Variants in BARX2 observed in about 807,000 individuals in gnomAD.
BARX2 encodes BARX homeobox 2, also known as homeobox protein BarH-like 2.
BARX2 carries 11 observed loss-of-function variants against 25.5 expected under a neutral mutation model. The ratio of observed to expected loss-of-function variants is 0.43; its 90% confidence interval spans 0.27 to 0.71. BARX2 has a LOEUF of 0.71. Among genes scored for constraint, BARX2 ranks in the 30% least tolerant of loss-of-function variants. BARX2 has a pLI of 0.19. For missense variants in BARX2, 360 were observed against 359.9 expected (o/e 1.00, Z 0.00); for synonymous variants, 137 against 149.5 (o/e 0.92, Z 0.61).
chr11:129,398,955 T>C (rs1221518706), intron 1 of BARX2, among the ~76,000 whole-genome samples: 3 of 152,206 alleles, frequency 2.0e-5, no homozygotes, highest in Admixed American at 6.5e-5. Flanking sequence ...ATAATACAGT[T>C]GCTCAGAGAA....
chr11:129,443,182 TTTA>T, intron 3 of BARX2, among the ~76,000 whole-genome samples: 1 of 152,166 alleles, frequency 6.6e-6, no homozygotes, highest in Non-Finnish European at 1.5e-5. Flanking sequence ...ACTTGCTAGT[TTTA>T]TTATTATACT....
At chr11:129,416,093 G>A (rs1323041258) in intron 1 of BARX2, among the ~76,000 whole-genome samples, 2 of 152,230 alleles carry the variant, frequency 1.3e-5, no homozygotes, top group East Asian at 3.8e-4. Context: ...TGTTCTCTGT[G>A]TGGGCACTTG....
chr11:129,400,979 G>A (rs1286037334), intron 1 of BARX2, among the ~76,000 whole-genome samples: 1 of 152,204 alleles, frequency 6.6e-6, no homozygotes, highest in East Asian at 1.9e-4. Context: ...GATAAAGACT[G>A]AAAAGTGGTC....
chr11:129,383,136 G>A (rs968752109), intron 1 of BARX2, among the ~76,000 whole-genome samples: 2 of 152,128 alleles, frequency 1.3e-5, no homozygotes, highest in Non-Finnish European at 2.9e-5. Context: ...TTGTTTGTTT[G>A]TTTTTTAACC....
rs150256721 is a variant in BARX2, at chr11:129,451,799, G to A, written c.*397G>A. ...AGTCATCAAAGCAGAGAGACGTGGC[G>A]GCATGTGGGCAGCATGCCCAGGTTC... On this transcript the variant is annotated 3_prime_UTR_variant, in exon 4 of 4. Coordinates refer to ENST00000281437, the MANE Select transcript of BARX2 (RefSeq NM_003658.5). The A allele has an allele frequency of 7.1e-3, 1,193 of 169,214 alleles. 10 individuals carry two copies. The highest frequency in any genetic ancestry group is 0.021 in the Middle Eastern group (8 of 376). The allele number at this position is 169,214 out of a possible 1,614,324, so 10.5% of individuals were successfully genotyped here. A position where few individuals can be genotyped will look rare whatever the true frequency, so the allele number is the denominator to read the frequency against.
chr11:129,442,007 T>G (rs1395167717), intron 2 of BARX2, among the ~76,000 whole-genome samples: 1 of 152,176 alleles, frequency 6.6e-6, no homozygotes, highest in Non-Finnish European at 1.5e-5. Flanking sequence ...TTAGGACTTT[T>G]CAGAAGACTA....
chr11:129,445,359 T>C (rs1862313154), intron 3 of BARX2, among the ~76,000 whole-genome samples: 1 of 152,236 alleles, frequency 6.6e-6, no homozygotes, highest in African/African-American at 2.4e-5. Context: ...AGTCAGATGA[T>C]TAAGGAATCG....
At position 129,407,054 on chromosome 11, in the gene BARX2, G is replaced by A. The variant is rs141558525; in HGVS notation, c.188-29697G>A. On this transcript the variant is annotated intron_variant, in intron 1 of 3. Transcript: ENST00000281437. ...GTTGGGCACACACCTCTGCTCTTGC[G>A]TATATTCCAGTATAGACTCTAAGTC... is the stretch of plus-strand genomic sequence containing the variant. 7.0e-3 allele frequency among the ~76,000 whole-genome samples: 1,062 copies of A among 151,994 alleles called. 8 individuals carry two copies. The highest frequency in any genetic ancestry group is 0.025 in the African/African-American group (1,022 of 41,428).
In BARX2 at chr11:129,390,724, C is replaced by T. The variant is rs1033675654; in HGVS notation, c.187+14502C>T. On this transcript the variant is annotated intron_variant, in intron 1 of 3. Transcript: ENST00000281437. This position sits in a 1 kb window ranked among gnomAD's most constrained non-coding sequence, Gnocchi z 4.3. ...CGTGCTTATTTTCAGAGGCGTTCCC[C>T]ATAACTGACAGCAGTCAATGACTTC... Among the ~76,000 whole-genome samples the T allele has an allele frequency of 3.0e-4, 45 of 152,180 alleles. No homozygotes were observed. Among genetic ancestry groups the T allele is most frequent in the African/African-American group, 1.0e-3 (43 of 41,440 alleles).
Position 129,450,498 on chromosome 11 carries a change from A to G in BARX2, c.574-638A>G, listed in dbSNP as rs557675871. ...AACATTCTCCTATATAGTAATTGTA[A>G]TGGTTGTCAAGTATTCTGTCTTTGG... On this transcript the variant is annotated intron_variant, in intron 3 of 3. Transcript: ENST00000281437. Among the ~76,000 whole-genome samples, 123 of 152,290 alleles carry G rather than the reference A, an allele frequency of 8.1e-4. No individual in the cohort carries two copies. In the South Asian group the frequency reaches 0.025, roughly 30 times the overall value.
At chr11:129,389,786 C>T (rs1861649338) in intron 1 of BARX2, among the ~76,000 whole-genome samples, 1 of 150,232 alleles carries the variant, frequency 6.7e-6, no homozygotes, top group East Asian at 2.0e-4. Context: ...AGGAAAATAA[C>T]TCCACTGAGA....
intron 1 of BARX2, among the ~76,000 whole-genome samples, chr11:129,434,569 G>C (rs79374611): frequency 0.012 from 1,773 of 152,010 alleles, 25 homozygotes; most frequent in Non-Finnish European, 0.013. Flanking sequence ...ACTTTTTAAT[G>C]GTTACATTGT....
intron 1 of BARX2, among the ~76,000 whole-genome samples, chr11:129,378,009 A>G (rs775230072): frequency 1.8e-4 from 27 of 152,242 alleles, no homozygotes; most frequent in Non-Finnish European, 2.9e-5. Flanking sequence ...TGGGAAATAA[A>G]TCAGAGGAAA....
At chr11:129,416,186 A>C (rs1257225218) in intron 1 of BARX2, among the ~76,000 whole-genome samples, 1 of 152,188 alleles carries the variant, frequency 6.6e-6, no homozygotes, top group African/African-American at 2.4e-5. Flanking sequence ...TGTGCTTTTT[A>C]AATCTTAGCA....
intron 1 of BARX2, among the ~76,000 whole-genome samples, chr11:129,378,563 C>CTTTTTTTTTTTTTTTTTTTTTTTTTT (rs56804728): frequency 1.8e-5 from 2 of 111,210 alleles, no homozygotes; most frequent in East Asian, 2.5e-4. Flanking sequence ...TTTTCTTTTT[C>CTTTTTTTTTTTTTTTTTTTTTTTTTT]TTTTTTTTTT....
chr11:129,448,678 G>A (rs555761613), intron 3 of BARX2, among the ~76,000 whole-genome samples: 21 of 152,166 alleles, frequency 1.4e-4, no homozygotes, highest in South Asian at 2.1e-4. Flanking sequence ...TGGCTGGAAC[G>A]TAAAATAGTG....
chr11:129,450,827 TGATA>T (rs1862389687), intron 3 of BARX2, among the ~76,000 whole-genome samples: 1 of 152,162 alleles, frequency 6.6e-6, no homozygotes, highest in Non-Finnish European at 1.5e-5. Flanking sequence ...CTTGTCAACT[TGATA>T]GTTATTGCAT....
chr11:129,386,214 T>C (rs1158920368), intron 1 of BARX2, among the ~76,000 whole-genome samples: 1 of 152,190 alleles, frequency 6.6e-6, no homozygotes, highest in Non-Finnish European at 1.5e-5. Context: ...TTGTCAGGGT[T>C]TTTCTGCTTC....
In BARX2 at chr11:129,448,350, C is replaced by T. The variant is rs117300388; in HGVS notation, c.574-2786C>T. ...CATCATTAGAAAAATGAGAAGACAG[C>T]CCACAGAATCAGAGAAGCTTACATC... On this transcript the variant is annotated intron_variant, in intron 3 of 3. Coordinates refer to ENST00000281437, the MANE Select transcript of BARX2 (RefSeq NM_003658.5). Among the ~76,000 whole-genome samples the T allele has an allele frequency of 5.7e-3, 870 of 152,204 alleles. 2 individuals are homozygous for T. The highest frequency in any genetic ancestry group is 7.2e-3 in the African/African-American group (297 of 41,524).
Sources: allele counts gnomAD v4.1 joint callset (sites outside exome capture counted in the v4.1 genomes callset), GRCh38; gene constraint gnomAD v4.1.1; non-coding constraint Gnocchi (gnomAD v3.1); transcripts MANE v1.5; gene names NCBI Gene and HGNC (gene_info 2026-07-23, HGNC 2026-07-21).